The following TSC22D1 variants were observed in gnomAD, a reference collection of about 807,000 sequenced individuals.
TSC22D1 encodes the protein TSC22 domain family protein 1.
TSC22D1 carries 9 observed loss-of-function variants against 74.2 expected under a neutral mutation model. The observed-to-expected ratio is 0.12, with a 90% CI of 0.07 to 0.21. The LOEUF (loss-of-function observed/expected upper bound fraction) is 0.21. TSC22D1 is among the 10% of genes least tolerant of loss of function. TSC22D1 has a pLI of 1.00. For missense variants in TSC22D1, 1,427 were observed against 1,304.7 expected, an observed-to-expected ratio of 1.09 and a Z score of -1.44; for synonymous variants, 586 against 492.5, an observed-to-expected ratio of 1.19 and a Z score of -2.51.
intron 1 of TSC22D1, among the ~76,000 whole-genome samples, chr13:44,531,192 AG>A (rs1184739915): frequency 1.3e-5 from 2 of 152,212 alleles, no homozygotes; most frequent in Non-Finnish European, 2.9e-5. Context: ...AGATGGTAAC[AG>A]GAAACTGTGG....
At chr13:44,447,846 T>TA (rs1456136455) in intron 1 of TSC22D1, among the ~76,000 whole-genome samples, 1 of 149,818 alleles carries the variant, frequency 6.7e-6, no homozygotes, top group African/African-American at 2.4e-5. Flanking sequence ...TTTTTTTTTT[T>TA]TTTTTTTAAG....
rs75811367 is a variant in TSC22D1 at position 44,468,025 on chromosome 13, G to A, written c.2913-31930C>T. 4.6e-3 allele frequency among the ~76,000 whole-genome samples: 694 copies of A among 151,334 alleles called. 4 individuals are homozygous for A. Among genetic ancestry groups the A allele is most frequent in the African/African-American group, 0.016 (659 of 41,202 alleles). ...GCGCACACACACACACACACACAAT[G>A]GAATAAAAAGAACAGCCATATAAGA... On this transcript the variant is annotated intron_variant, in intron 1 of 2. Transcript: ENST00000458659.
chr13:44,445,068 A>G (rs1875525538), intron 1 of TSC22D1, among the ~76,000 whole-genome samples: 1 of 152,134 alleles, frequency 6.6e-6, no homozygotes, highest in African/African-American at 2.4e-5. Flanking sequence ...AACTCATTCT[A>G]TGAGGCCAGC....
intron 1 of TSC22D1, chr13:44,474,155 G>C: frequency 1.2e-6 from 1 of 829,182 alleles, no homozygotes; most frequent in Non-Finnish European, 1.5e-6. Flanking sequence ...GTACTAGGCA[G>C]GACTTAGGAC....
intron 1 of TSC22D1, among the ~76,000 whole-genome samples, chr13:44,494,932 A>G (rs1035021696): frequency 6.6e-6 from 1 of 152,224 alleles, no homozygotes. Flanking sequence ...AAAAGGAACC[A>G]AAGAGAAATT....
intron 1 of TSC22D1, among the ~76,000 whole-genome samples, chr13:44,496,478 T>A (rs890682294): frequency 4.6e-5 from 7 of 151,720 alleles, no homozygotes; most frequent in African/African-American, 1.7e-4. Flanking sequence ...AGGGCAGGAG[T>A]TCGAGACCAG....
At chr13:44,516,906 T>G (rs1431875199) in intron 1 of TSC22D1, among the ~76,000 whole-genome samples, 1 of 152,204 alleles carries the variant, frequency 6.6e-6, no homozygotes, top group Non-Finnish European at 1.5e-5. Context: ...AAGAAAGGGA[T>G]AGCAGTCTCT....
intron 1 of TSC22D1, among the ~76,000 whole-genome samples, chr13:44,506,086 C>G (rs927253697): frequency 6.6e-6 from 1 of 152,182 alleles, no homozygotes; most frequent in Admixed American, 6.5e-5. Flanking sequence ...ATGCTTCTAA[C>G]CACTCTGCCC....
At chr13:44,511,089 T>C (rs1445018706) in intron 1 of TSC22D1, among the ~76,000 whole-genome samples, 2 of 152,108 alleles carry the variant, frequency 1.3e-5, no homozygotes, top group Non-Finnish European at 2.9e-5. Context: ...GAGACCATCC[T>C]GGGCAACACG....
chr13:44,467,698 T>C (rs1359398932), intron 1 of TSC22D1, among the ~76,000 whole-genome samples: 11 of 152,192 alleles, frequency 7.2e-5, no homozygotes, highest in Admixed American at 5.9e-4. Flanking sequence ...CACAATGAGA[T>C]ACCACCTTGC....
At chr13:44,467,990 A>G (rs905564827) in intron 1 of TSC22D1, among the ~76,000 whole-genome samples, 1 of 150,010 alleles carries the variant, frequency 6.7e-6, no homozygotes, top group Admixed American at 6.6e-5. Context: ...GGATCAACCT[A>G]TACACACACG....
At chr13:44,534,016 G>C (rs1375770184) in intron 1 of TSC22D1, among the ~76,000 whole-genome samples, 1 of 152,048 alleles carries the variant, frequency 6.6e-6, no homozygotes, top group Non-Finnish European at 1.5e-5. Context: ...AGGAGACTGA[G>C]GAGGGAGGAT....
At chr13:44,454,163 A>C (rs759456646) in intron 1 of TSC22D1, among the ~76,000 whole-genome samples, 2 of 152,216 alleles carry the variant, frequency 1.3e-5, no homozygotes, top group African/African-American at 2.4e-5. Context: ...AAACAGAGTT[A>C]ATTCTAAAAA....
intron 1 of TSC22D1, among the ~76,000 whole-genome samples, chr13:44,515,018 T>C (rs1296056788): frequency 6.6e-6 from 1 of 152,222 alleles, no homozygotes; most frequent in Non-Finnish European, 1.5e-5. Flanking sequence ...AGAGGCATTC[T>C]CATCCATTGC....
intron 1 of TSC22D1, among the ~76,000 whole-genome samples, chr13:44,571,500 A>T (rs1413829861): frequency 1.3e-5 from 2 of 152,180 alleles, no homozygotes; most frequent in Admixed American, 1.3e-4. Flanking sequence ...CAATTACAAA[A>T]TCATGGCAAG....
At chr13:44,498,804 A>T (rs1879092253) in intron 1 of TSC22D1, among the ~76,000 whole-genome samples, 1 of 152,208 alleles carries the variant, frequency 6.6e-6, no homozygotes, top group Non-Finnish European at 1.5e-5. Context: ...AATAACTGGC[A>T]ACTTGTTTGT....
At chr13:44,457,410 G>A (rs1256340604) in intron 1 of TSC22D1, among the ~76,000 whole-genome samples, 1 of 152,030 alleles carries the variant, frequency 6.6e-6, no homozygotes, top group Non-Finnish European at 1.5e-5. Flanking sequence ...ATATTGAGAA[G>A]CCAGAAATAA....
intron 1 of TSC22D1, among the ~76,000 whole-genome samples, chr13:44,556,893 C>T (rs946408719): frequency 6.6e-5 from 10 of 152,246 alleles, no homozygotes; most frequent in African/African-American, 2.4e-4. Flanking sequence ...CCTGTAATCC[C>T]AGCACTTTGG....
intron 1 of TSC22D1, chr13:44,436,391 G>A (rs1343893090): frequency 2.7e-5 from 36 of 1,337,686 alleles, no homozygotes; most frequent in Non-Finnish European, 3.6e-5. Flanking sequence ...CAACATCCAT[G>A]TCACCATAAT....
Sources: allele counts gnomAD v4.1 joint callset (sites outside exome capture counted in the v4.1 genomes callset), GRCh38; gene constraint gnomAD v4.1.1; transcripts MANE v1.5; gene names NCBI Gene and HGNC (gene_info 2026-07-23, HGNC 2026-07-21).